VAV3: variants seen among roughly 807,000 people sequenced by gnomAD.
VAV3 encodes the protein guanine nucleotide exchange factor VAV3.
VAV3 carries 94 observed loss-of-function variants against 131.2 expected under a neutral mutation model. That is an observed-to-expected ratio of 0.72 (90% confidence interval 0.61 to 0.85). The LOEUF is 0.85. VAV3 is among the 40% of genes least tolerant of loss of function. VAV3 has a pLI of 0.00. For synonymous variants in VAV3, 349 were observed against 342.0 expected (o/e 1.02, Z -0.22); for missense variants, 939 against 1,002.7 (o/e 0.94, Z 0.86).
intron 1 of VAV3, among the ~76,000 whole-genome samples, chr1:107,947,057 G>C (rs2101311336): frequency 6.6e-6 from 1 of 152,292 alleles, no homozygotes; most frequent in South Asian, 2.1e-4. Flanking sequence ...CAGCTAATTA[G>C]CAGCAGATCC....
At chr1:107,665,171 T>C (rs977545631) in intron 19 of VAV3, among the ~76,000 whole-genome samples, 2 of 152,084 alleles carry the variant, frequency 1.3e-5, no homozygotes, top group East Asian at 1.9e-4. Flanking sequence ...AGACGAACAA[T>C]TGGGAGACTA....
chr1:107,599,574 G>A (rs1334723977), intron 24 of VAV3, among the ~76,000 whole-genome samples: 1 of 152,048 alleles, frequency 6.6e-6, no homozygotes, highest in Non-Finnish European at 1.5e-5. Flanking sequence ...CAAAATTAAT[G>A]CCTTGTAATC....
intron 15 of VAV3, among the ~76,000 whole-genome samples, chr1:107,723,911 G>A (rs17019789): frequency 0.084 from 12,782 of 152,086 alleles, 700 homozygotes; most frequent in Admixed American, 0.17. Flanking sequence ...GATAAATAGA[G>A]AACACATCGT....
At chr1:107,576,179 C>T (rs1443651888) in intron 25 of VAV3, among the ~76,000 whole-genome samples, 1 of 152,052 alleles carries the variant, frequency 6.6e-6, no homozygotes, top group African/African-American at 2.4e-5. Context: ...TAGAATGTCT[C>T]ATGGCATGAG....
intron 2 of VAV3, among the ~76,000 whole-genome samples, chr1:107,843,842 C>T: frequency 6.6e-6 from 1 of 151,934 alleles, no homozygotes; most frequent in Non-Finnish European, 1.5e-5. Context: ...GAGCGGGGAG[C>T]TTTCCACTGT....
intron 2 of VAV3, among the ~76,000 whole-genome samples, chr1:107,813,365 T>C (rs542088724): frequency 6.6e-6 from 1 of 152,276 alleles, no homozygotes; most frequent in South Asian, 2.1e-4. Context: ...CTCCTCCATA[T>C]TGCCTCTTAG....
chr1:107,664,563 T>C (rs975981295), intron 19 of VAV3, among the ~76,000 whole-genome samples: 12 of 152,214 alleles, frequency 7.9e-5, no homozygotes, highest in Admixed American at 2.6e-4. Context: ...TTTTATAAAG[T>C]TGCGCTTCCA....
chr1:107,948,358 ACTTCT>A (rs908704288), intron 1 of VAV3, among the ~76,000 whole-genome samples: 1 of 152,190 alleles, frequency 6.6e-6, no homozygotes, highest in Non-Finnish European at 1.5e-5. Flanking sequence ...CATGATTTAA[ACTTCT>A]CTTGAGGGTC....
chr1:107,630,576 A>G (rs1015229279), intron 20 of VAV3, among the ~76,000 whole-genome samples: 9 of 152,198 alleles, frequency 5.9e-5, no homozygotes, highest in African/African-American at 2.2e-4. Context: ...TCCTAAACAC[A>G]TAACTTGCTT....
At chr1:107,936,427 A>G (rs1009689729) in intron 1 of VAV3, among the ~76,000 whole-genome samples, 1 of 152,224 alleles carries the variant, frequency 6.6e-6, no homozygotes, top group African/African-American at 2.4e-5. Flanking sequence ...ATTATAAACA[A>G]GAAATCTAAA....
At chr1:107,814,528 T>G (rs1667482898) in intron 2 of VAV3, among the ~76,000 whole-genome samples, 1 of 152,212 alleles carries the variant, frequency 6.6e-6, no homozygotes, top group Admixed American at 6.5e-5. Flanking sequence ...TTCTGGATAT[T>G]AGTCCCTTGT....
chr1:107,881,622 T>G (rs964852164), intron 1 of VAV3, among the ~76,000 whole-genome samples: 1 of 152,178 alleles, frequency 6.6e-6, no homozygotes, highest in Non-Finnish European at 1.5e-5. Context: ...AGGGCATGAA[T>G]AGCTCGCTTA....
intron 25 of VAV3, among the ~76,000 whole-genome samples, chr1:107,581,822 T>C (rs1405661951): frequency 1.3e-5 from 2 of 152,214 alleles, no homozygotes; most frequent in Non-Finnish European, 2.9e-5. Flanking sequence ...TTTTCAGTAA[T>C]ATTTGAAATT....
intron 6 of VAV3, 145 bp downstream of exon 6, chr1:107,770,491 G>A (rs1256392182): frequency 2.2e-5 from 14 of 627,780 alleles, no homozygotes; most frequent in Non-Finnish European, 3.3e-5. Context: ...GTTGTAAAAT[G>A]AATAAATCTG....
chr1:107,636,513 C>T (rs1159136961), intron 20 of VAV3, among the ~76,000 whole-genome samples: 1 of 152,150 alleles, frequency 6.6e-6, no homozygotes, highest in African/African-American at 2.4e-5. Flanking sequence ...CTGTACTGAA[C>T]ATCATAGCTT....
intron 19 of VAV3, among the ~76,000 whole-genome samples, chr1:107,678,904 C>T (rs551687889): frequency 4.6e-5 from 7 of 152,014 alleles, no homozygotes; most frequent in Admixed American, 3.9e-4. Flanking sequence ...TAAATCTGCA[C>T]AAAAATAGTA....
At chr1:107,962,923 C>A (rs1675194552) in intron 1 of VAV3, among the ~76,000 whole-genome samples, 1 of 152,124 alleles carries the variant, frequency 6.6e-6, no homozygotes, top group Non-Finnish European at 1.5e-5. Context: ...TTTTGCTACC[C>A]CCACTAGGGA....
At chr1:107,717,599 G>C (rs535264053) in intron 15 of VAV3, among the ~76,000 whole-genome samples, 4 of 152,184 alleles carry the variant, frequency 2.6e-5, no homozygotes, top group Non-Finnish European at 5.9e-5. Flanking sequence ...TGTGGTCTGA[G>C]AGACAGTTTG....
Position 107,916,397 on chromosome 1 carries a change from G to A in VAV3, c.205-41380C>T, listed in dbSNP as rs77524943. 3.2e-4 allele frequency among the ~76,000 whole-genome samples: 49 copies of A among 152,186 alleles called. No individual in the cohort carries two copies. In the East Asian group the frequency reaches 7.1e-3, roughly 22 times the overall value. On this transcript the variant is annotated intron_variant, in intron 1 of 26. Transcript: ENST00000370056. ...ACCTGAAGCATAACGTACAAATCTG[G>A]TTTCAAATATATTGCAAGTAATATT...
Sources: allele counts gnomAD v4.1 joint callset (sites outside exome capture counted in the v4.1 genomes callset), GRCh38; gene constraint gnomAD v4.1.1; transcripts MANE v1.5; gene names NCBI Gene and HGNC (gene_info 2026-07-23, HGNC 2026-07-21).